The following ARHGAP24 variants were observed in gnomAD, a reference collection of about 807,000 sequenced individuals.
The protein encoded by ARHGAP24 is rho GTPase-activating protein 24.
In ARHGAP24, 50 loss-of-function variants were observed where a neutral mutation model predicts 76.4. That is an observed-to-expected ratio of 0.65 (90% CI 0.52 to 0.83). The LOEUF is 0.83. Ranked by LOEUF, ARHGAP24 falls within the 40% of genes least tolerant of loss-of-function variation. ARHGAP24 has a pLI of 0.00. For missense variants in ARHGAP24, 930 were observed against 914.2 expected, an observed-to-expected ratio of 1.02 and a Z score of -0.22; for synonymous variants, 345 against 323.3, an observed-to-expected ratio of 1.07 and a Z score of -0.72.
chr4:85,908,929 G>C (rs1734920821), intron 3 of ARHGAP24, among the ~76,000 whole-genome samples: 1 of 152,000 alleles, frequency 6.6e-6, no homozygotes, highest in South Asian at 2.1e-4. Flanking sequence ...AAACCATCAA[G>C]GGTCATCCCT....
At chr4:85,773,151 TA>T (rs1727191434) in intron 3 of ARHGAP24, among the ~76,000 whole-genome samples, 1 of 152,228 alleles carries the variant, frequency 6.6e-6, no homozygotes, top group Non-Finnish European at 1.5e-5. Context: ...TTTTAAAATA[TA>T]CTTTAGGGCC....
At chr4:85,596,364 C>A (rs1404282494) in intron 2 of ARHGAP24, among the ~76,000 whole-genome samples, 1 of 151,906 alleles carries the variant, frequency 6.6e-6, no homozygotes, top group Non-Finnish European at 1.5e-5. Flanking sequence ...AAGGTCTGAG[C>A]TTTATAATAT....
intron 3 of ARHGAP24, among the ~76,000 whole-genome samples, chr4:85,793,306 G>C (rs893558002): frequency 2.0e-5 from 3 of 152,072 alleles, no homozygotes. Context: ...TTGTGATAAA[G>C]AATCCTTAAA....
chr4:85,837,089 A>G lies in ARHGAP24; in HGVS notation c.269-86559A>G, dbSNP rs574907798. Among the ~76,000 whole-genome samples the G allele has an allele frequency of 2.0e-5, 3 of 152,348 alleles. No individual in the cohort carries two copies. In the South Asian group the frequency reaches 6.2e-4, roughly 32 times the overall value. ...TGACATATTTATTCCTAAAGGTAAT[A>G]TTTATCTCTGAAAGTTTTAGGAGTT... On this transcript the variant is annotated intron_variant, in intron 3 of 9. Transcript: ENST00000395184.
At chr4:85,498,254 T>G (rs1276149442) in intron 1 of ARHGAP24, among the ~76,000 whole-genome samples, 1 of 152,164 alleles carries the variant, frequency 6.6e-6, no homozygotes, top group Non-Finnish European at 1.5e-5. Flanking sequence ...ATGGCCATCT[T>G]ATACCTGGGT....
intron 3 of ARHGAP24, among the ~76,000 whole-genome samples, chr4:85,785,715 T>C (rs1727806709): frequency 6.6e-6 from 1 of 152,176 alleles, no homozygotes; most frequent in Admixed American, 6.6e-5. Context: ...GCCAGAATAC[T>C]GTCCTTTCTT....
intron 3 of ARHGAP24, among the ~76,000 whole-genome samples, chr4:85,860,522 C>T (rs1400251664): frequency 6.6e-6 from 1 of 152,080 alleles, no homozygotes; most frequent in Non-Finnish European, 1.5e-5. Flanking sequence ...GCATGTGTCT[C>T]TGTGAAACCC....
intron 3 of ARHGAP24, among the ~76,000 whole-genome samples, chr4:85,738,515 C>A (rs1725694168): frequency 6.6e-6 from 1 of 151,442 alleles, no homozygotes; most frequent in Admixed American, 6.6e-5. Context: ...ATGAGTTGTT[C>A]TTTTACTTTA....
chr4:85,727,239 G>A (rs1725201463), intron 3 of ARHGAP24, among the ~76,000 whole-genome samples: 2 of 151,888 alleles, frequency 1.3e-5, no homozygotes, highest in African/African-American at 4.8e-5. Flanking sequence ...AGTAAAAAAG[G>A]CCTGGAGCCT....
At chr4:85,622,872 T>C (rs1381257374) in intron 2 of ARHGAP24, among the ~76,000 whole-genome samples, 2 of 152,154 alleles carry the variant, frequency 1.3e-5, no homozygotes, top group East Asian at 3.9e-4. Context: ...TTTTCATGTG[T>C]TTTTTGGCTG....
At chr4:85,861,741 C>A (rs942487098) in intron 3 of ARHGAP24, among the ~76,000 whole-genome samples, 3 of 152,030 alleles carry the variant, frequency 2.0e-5, no homozygotes, top group African/African-American at 7.2e-5. Flanking sequence ...ACAATCTCAG[C>A]CCAAACATTC....
chr4:85,959,690 T>C (rs949298200), intron 5 of ARHGAP24, among the ~76,000 whole-genome samples: 1 of 152,206 alleles, frequency 6.6e-6, no homozygotes, highest in Non-Finnish European at 1.5e-5. Context: ...TGTAGAGATA[T>C]GTTTAATTTC....
intron 3 of ARHGAP24, among the ~76,000 whole-genome samples, chr4:85,774,855 ATAG>A (rs1727253244): frequency 6.6e-6 from 1 of 152,174 alleles, no homozygotes; most frequent in Non-Finnish European, 1.5e-5. Context: ...TGACAGAAGA[ATAG>A]TAGCTCATGC....
At chr4:85,818,414 A>T (rs574103005) in intron 3 of ARHGAP24, among the ~76,000 whole-genome samples, 11 of 152,248 alleles carry the variant, frequency 7.2e-5, no homozygotes, top group Admixed American at 2.0e-4. Context: ...AAAAATAATT[A>T]TACCCACTAA....
intron 2 of ARHGAP24, among the ~76,000 whole-genome samples, chr4:85,580,194 A>T (rs62315648): frequency 0.053 from 8,051 of 151,642 alleles, 691 homozygotes; most frequent in African/African-American, 0.18. Context: ...CAGAGAAACC[A>T]TGAGCTGGAT....
chr4:85,896,916 A>T (rs1021288903), intron 3 of ARHGAP24, among the ~76,000 whole-genome samples: 8 of 152,190 alleles, frequency 5.3e-5, no homozygotes, highest in African/African-American at 1.9e-4. Flanking sequence ...AGCACTGGCT[A>T]TAAAGTGTCA....
At chr4:85,684,557 A>G (rs1161889965) in intron 2 of ARHGAP24, among the ~76,000 whole-genome samples, 1 of 152,008 alleles carries the variant, frequency 6.6e-6, no homozygotes, top group African/African-American at 2.4e-5. Flanking sequence ...TATAGGTCTA[A>G]TTTCATTTTA....
chr4:85,998,899 T>C (rs1157711113), intron 9 of ARHGAP24, among the ~76,000 whole-genome samples: 1 of 152,232 alleles, frequency 6.6e-6, no homozygotes, highest in African/African-American at 2.4e-5. Flanking sequence ...CTCTGTGGCC[T>C]CTATCCAAGA....
At chr4:85,953,501 A>G (rs1363891259) in intron 5 of ARHGAP24, among the ~76,000 whole-genome samples, 2 of 152,172 alleles carry the variant, frequency 1.3e-5, no homozygotes, top group African/African-American at 2.4e-5. Context: ...GACATAGGAG[A>G]GATTTTTCAG....
Sources: allele counts gnomAD v4.1 joint callset (sites outside exome capture counted in the v4.1 genomes callset), GRCh38; gene constraint gnomAD v4.1.1; transcripts MANE v1.5; gene names NCBI Gene and HGNC (gene_info 2026-07-23, HGNC 2026-07-21).